Variants in ELK3 observed in about 807,000 individuals in gnomAD.
ELK3 encodes the protein ETS transcription factor ELK3.
Under a neutral mutation model 28.9 loss-of-function variants are expected in ELK3, and 10 were observed. The ratio of observed to expected loss-of-function variants is 0.35; its 90% CI spans 0.21 to 0.59. ELK3 has a LOEUF of 0.59. Ranked by LOEUF, ELK3 falls within the 20% of genes least tolerant of loss-of-function variation. ELK3 has a pLI of 0.82. For synonymous variants in ELK3, 272 were observed against 243.5 expected (o/e 1.12, Z -1.09); for missense variants, 463 against 517.3 (o/e 0.90, Z 1.02).
chr12:96,232,029 C>T (rs999341589), intron 2 of ELK3, among the ~76,000 whole-genome samples: 3 of 152,078 alleles, frequency 2.0e-5, no homozygotes, highest in South Asian at 2.1e-4. Flanking sequence ...GGAAGGCCTC[C>T]GGAGGTCAAG....
chr12:96,221,991 C>A lies in ELK3; in HGVS notation c.-2-1574C>A, dbSNP rs544024244. ...AGCTGCCCCCTGGGTTGCGGTCACT[C>A]CAGGTTCAGTCCCCTGCCCCCCGCC... On this transcript the variant is annotated intron_variant, in intron 1 of 4. Coordinates refer to ENST00000228741, the MANE Select transcript of ELK3 (RefSeq NM_005230.4). Among the ~76,000 whole-genome samples the A allele has an allele frequency of 4.6e-5, 7 of 152,088 alleles. No homozygotes were observed. In the South Asian group the frequency reaches 1.2e-3, roughly 27 times the overall value.
At chr12:96,227,842 G>T (rs561274906) in intron 2 of ELK3, among the ~76,000 whole-genome samples, 21 of 152,308 alleles carry the variant, frequency 1.4e-4, no homozygotes, top group Non-Finnish European at 1.5e-5. Context: ...TGTAAAGTGG[G>T]TATAATAGTA....
chr12:96,195,149 CA>C (rs901279593), intron 1 of ELK3, among the ~76,000 whole-genome samples: 2 of 152,302 alleles, frequency 1.3e-5, no homozygotes, highest in Non-Finnish European at 2.9e-5. Flanking sequence ...GAGGCTGGAC[CA>C]CCGCCGACCT....
intron 4 of ELK3, among the ~76,000 whole-genome samples, chr12:96,261,045 CTG>C (rs1304187127): frequency 6.6e-6 from 1 of 152,162 alleles, no homozygotes; most frequent in African/African-American, 2.4e-5. Context: ...AAAGAGAAGT[CTG>C]AGAAAGGCCA....
intron 2 of ELK3, among the ~76,000 whole-genome samples, chr12:96,243,732 T>C (rs1209249450): frequency 5.3e-5 from 8 of 151,840 alleles, no homozygotes; most frequent in Admixed American, 5.2e-4. Flanking sequence ...TAGTCCCAGC[T>C]ACTCAGAGGC....
chr12:96,200,767 A>G (rs1286314650), intron 1 of ELK3, among the ~76,000 whole-genome samples: 2 of 152,160 alleles, frequency 1.3e-5, no homozygotes, highest in Non-Finnish European at 1.5e-5. Context: ...TGTCTAAGCA[A>G]TTCTCATGCC....
chr12:96,194,775 C>A (rs1001098843), intron 1 of ELK3, 70 bp downstream of exon 1: 6 of 112,448 alleles, frequency 5.3e-5, no homozygotes, highest in African/African-American at 2.0e-4. Flanking sequence ...TTCTTTTTTT[C>A]TTTCTTTTCT....
intron 1 of ELK3, among the ~76,000 whole-genome samples, chr12:96,197,510 C>T (rs903874166): frequency 6.6e-6 from 1 of 152,224 alleles, no homozygotes; most frequent in Non-Finnish European, 1.5e-5. Flanking sequence ...TGGCCACATA[C>T]GTAACATAGC....
intron 3 of ELK3, among the ~76,000 whole-genome samples, chr12:96,251,930 G>A (rs1951910248): frequency 6.6e-6 from 1 of 152,214 alleles, no homozygotes; most frequent in Non-Finnish European, 1.5e-5. Context: ...CATTGATGAA[G>A]GTGGCTACGT....
intron 2 of ELK3, among the ~76,000 whole-genome samples, chr12:96,239,913 G>A (rs935023114): frequency 5.3e-5 from 8 of 152,246 alleles, no homozygotes; most frequent in Non-Finnish European, 8.8e-5. Context: ...GACATGTGGC[G>A]TCTCGCCTGT....
chr12:96,249,667 G>A (rs1165142665), intron 3 of ELK3, among the ~76,000 whole-genome samples: 1 of 60,204 alleles, frequency 1.7e-5, no homozygotes, highest in Non-Finnish European at 3.7e-5. Flanking sequence ...TTAGGTGTCT[G>A]TGTTCCCTGG....
Position 96,246,983 on chromosome 12 carries a change from T to A in ELK3, c.251T>A (p.Phe84Tyr). The A allele has an allele frequency of 6.2e-7, 1 of 1,611,758 alleles. No individual in the cohort carries two copies. Among genetic ancestry groups the A allele is most frequent in the Non-Finnish European group, 8.5e-7 (1 of 1,178,744 alleles). Residue 84 changes from phenylalanine to tyrosine, a missense_variant, in exon 3 of 5, where the codon TTT becomes TAT. By Grantham distance (22) the Phe-to-Tyr change is conservative. Coordinates refer to ENST00000228741, the MANE Select transcript of ELK3 (RefSeq NM_005230.4). ...KVIGQKFVYK[F>Y]VSFPEILKMD... is the part of the protein sequence containing the mutation. ...ATCGGGCAGAAGTTTGTGTACAAGTTTGTCTCTTTCCCGGAGATCCTGAAG... is the reference window on the plus strand; with the variant it reads ...ATCGGGCAGAAGTTTGTGTACAAGTATGTCTCTTTCCCGGAGATCCTGAAG...
rs561624888 is a variant in ELK3 at position 96,256,820 on chromosome 12, G to A, written c.1003-2911G>A. 2.1e-3 allele frequency among the ~76,000 whole-genome samples: 316 copies of A among 152,310 alleles called. 2 individuals carry two copies. Among genetic ancestry groups the A allele is most frequent in the Non-Finnish European group, 3.5e-3 (241 of 68,030 alleles). The stretch of plus-strand genomic sequence containing the variant: ...TTTTGATGGGCAGAGGAAGGCAAGA[G>A]GAGGAGGCAGCGGGCCGGGGCAGGG... On this transcript the variant is annotated intron_variant, in intron 3 of 4. Transcript: ENST00000228741.
intron 3 of ELK3, among the ~76,000 whole-genome samples, chr12:96,257,170 G>A (rs573712383): frequency 2.8e-4 from 42 of 152,314 alleles, no homozygotes; most frequent in African/African-American, 9.6e-4. Context: ...CTCCAGGAGC[G>A]TGTGGAGAGA....
At chr12:96,262,478 A>T (rs1952000112) in intron 4 of ELK3, among the ~76,000 whole-genome samples, 1 of 152,082 alleles carries the variant, frequency 6.6e-6, no homozygotes, top group Non-Finnish European at 1.5e-5. Flanking sequence ...CACCAAGTGG[A>T]CCTGTTCTCT....
At chr12:96,238,461 T>G (rs1333107558) in intron 2 of ELK3, among the ~76,000 whole-genome samples, 1 of 152,242 alleles carries the variant, frequency 6.6e-6, no homozygotes, top group African/African-American at 2.4e-5. Flanking sequence ...GCTCCTGGCC[T>G]GTGCCCTTGT....
At chr12:96,253,940 A>G (rs1012889908) in intron 3 of ELK3, among the ~76,000 whole-genome samples, 10 of 152,248 alleles carry the variant, frequency 6.6e-5, no homozygotes, top group African/African-American at 2.4e-4. Context: ...ATACGGGGCA[A>G]TATATAACAT....
At chr12:96,258,422 G>T (rs1194766086) in intron 3 of ELK3, among the ~76,000 whole-genome samples, 1 of 152,220 alleles carries the variant, frequency 6.6e-6, no homozygotes, top group Non-Finnish European at 1.5e-5. Context: ...CCATTCTGCT[G>T]AACAGAGCAG....
At chr12:96,210,193 C>T (rs1951566491) in intron 1 of ELK3, among the ~76,000 whole-genome samples, 1 of 152,168 alleles carries the variant, frequency 6.6e-6, no homozygotes, top group Non-Finnish European at 1.5e-5. Flanking sequence ...AAAGCTCAAA[C>T]TGAAAGACAG....
Sources: gnomAD v4.1 joint callset for allele counts (sites outside exome capture counted in the v4.1 genomes callset) on GRCh38, gnomAD v4.1.1 for gene constraint, MANE v1.5 for transcripts, NCBI Gene and HGNC (gene_info 2026-07-23, HGNC 2026-07-21) for gene names.